Variants in BCL7A observed in about 807,000 individuals in gnomAD.
BCL7A encodes B-cell CLL/lymphoma 7 protein family member A.
Under a neutral mutation model 28.4 loss-of-function variants are expected in BCL7A, and 11 were observed. The ratio of observed to expected loss-of-function variants is 0.39; its 90% CI spans 0.24 to 0.64. BCL7A has a LOEUF of 0.64. Ranked by LOEUF, BCL7A falls within the 30% of genes least tolerant of loss-of-function variation. The pLI is 0.50. For missense variants in BCL7A, 222 were observed against 274.8 expected, an observed-to-expected ratio of 0.81 and a Z score of 1.36; for synonymous variants, 123 against 103.3, an observed-to-expected ratio of 1.19 and a Z score of -1.15.
intron 3 of BCL7A, 94 bp from the exon 4 acceptor site, chr12:122,043,792 G>A (rs569373648): frequency 3.9e-5 from 52 of 1,324,812 alleles, no homozygotes; most frequent in Admixed American, 4.8e-5. Flanking sequence ...ATGGGGTTCC[G>A]GGCATTGAGG....
chr12:122,024,139 G>C (rs527535027), intron 1 of BCL7A, among the ~76,000 whole-genome samples: 2 of 152,340 alleles, frequency 1.3e-5, no homozygotes, highest in South Asian at 2.1e-4. Context: ...CAGGCCTGTA[G>C]TTGGAGCTTG....
intron 5 of BCL7A, among the ~76,000 whole-genome samples, chr12:122,057,536 G>A (rs574845451): frequency 2.0e-5 from 3 of 152,318 alleles, no homozygotes; most frequent in Admixed American, 1.3e-4. Flanking sequence ...GGTTGGAGGG[G>A]GGGTGCGGGC....
At chr12:122,036,852 C>T (rs1295697393) in intron 3 of BCL7A, among the ~76,000 whole-genome samples, 1 of 152,112 alleles carries the variant, frequency 6.6e-6, no homozygotes, top group Non-Finnish European at 1.5e-5. Context: ...GGATTACAGG[C>T]ACGTGCTACC....
intron 1 of BCL7A, among the ~76,000 whole-genome samples, chr12:122,027,929 G>T (rs541412882): frequency 6.6e-6 from 1 of 152,208 alleles, no homozygotes; most frequent in Admixed American, 6.5e-5. Flanking sequence ...TTTGGGGAGG[G>T]GTATGTGTTC....
chr12:122,031,260 C>G (rs1883737792), intron 2 of BCL7A, among the ~76,000 whole-genome samples: 1 of 152,128 alleles, frequency 6.6e-6, no homozygotes, highest in Non-Finnish European at 1.5e-5. Flanking sequence ...AACTCCTGAC[C>G]TCGGGTGATC....
At chr12:122,022,639 C>T (rs1883492008) in intron 1 of BCL7A, among the ~76,000 whole-genome samples, 1 of 145,954 alleles carries the variant, frequency 6.9e-6, no homozygotes, top group African/African-American at 2.5e-5. Flanking sequence ...AGCGGGCCGC[C>T]GCCGCCGTCT....
chr12:122,027,568 T>A (rs1254592460), intron 1 of BCL7A, among the ~76,000 whole-genome samples: 1 of 151,182 alleles, frequency 6.6e-6, no homozygotes, highest in African/African-American at 2.4e-5. Context: ...CTGGGCACAG[T>A]GGCTTATACC....
rs1884012809 is a variant in BCL7A, at chr12:122,043,934, A to G, written c.320A>G (p.Gln107Arg). ...SSIADASPIKQENSSNSSPAP... is the reference protein window; with the variant it reads ...SSIADASPIKRENSSNSSPAP... ...ATCGCAGATGCCTCCCCCATCAAACAGGAGAACAGCAGCAACTCCAGCCCC... is the reference window on the plus strand; with the variant it reads ...ATCGCAGATGCCTCCCCCATCAAACGGGAGAACAGCAGCAACTCCAGCCCC... Residue 107 changes from glutamine (Q) to arginine (R), a missense_variant, in exon 4 of 6, where the codon CAG (glutamine) becomes CGG (arginine). Transcript: ENST00000261822. 5.0e-6 allele frequency: 8 copies of G among 1,613,776 alleles called. No homozygotes were observed. Among genetic ancestry groups the G allele is most frequent in the Non-Finnish European group, 5.9e-6 (7 of 1,179,994 alleles).
intron 4 of BCL7A, among the ~76,000 whole-genome samples, chr12:122,049,703 C>G (rs1276677384): frequency 6.6e-6 from 1 of 152,158 alleles, no homozygotes; most frequent in African/African-American, 2.4e-5. Context: ...TGAACAGTCC[C>G]TTAGTGATGG....
rs892981696 is a variant in BCL7A, at chr12:122,029,919, C to T, written c.93-781C>T. On this transcript the variant is annotated intron_variant, in intron 1 of 5. Coordinates refer to ENST00000261822, the MANE Select transcript of BCL7A (RefSeq NM_001024808.3). This position sits in a 1 kb window ranked among gnomAD's most constrained non-coding sequence, Gnocchi z 4.3. ...GAGGAGAGGGTGGGCATTGTTATCTCGAATGAAAACCAGTCCTGTTTGCTT... is the reference window on the plus strand; with the variant it reads ...GAGGAGAGGGTGGGCATTGTTATCTTGAATGAAAACCAGTCCTGTTTGCTT... Among the ~76,000 whole-genome samples, 11 of 152,064 alleles carry T rather than the reference C, an allele frequency of 7.2e-5. No individual in the cohort carries two copies. The East Asian group carries it at 1.3e-3, about 19-fold the overall frequency.
chr12:122,046,174 G>A (rs1884073195), intron 4 of BCL7A, among the ~76,000 whole-genome samples: 1 of 152,042 alleles, frequency 6.6e-6, no homozygotes, highest in East Asian at 1.9e-4. Context: ...ATATTTTGAA[G>A]GTGAGGGGAG....
In BCL7A at chr12:122,043,998, C is replaced by T. The variant is rs76573037; in HGVS notation, c.384C>T (p.Thr128=). The part of the protein sequence containing the change: ...EPNSAVPSDG[T]EAKVDEAQAD... ...ACTCGGCTGTGCCCAGCGACGGCACCGAGGCCAAGGTGGATGAGGCCCAGG... is the reference window on the plus strand; with the variant it reads ...ACTCGGCTGTGCCCAGCGACGGCACTGAGGCCAAGGTGGATGAGGCCCAGG... The change falls in exon 4 of 6, where the codon ACC becomes ACT. Residue 128 remains threonine, a synonymous_variant. Transcript: ENST00000261822. 1.2e-3 allele frequency: 1,926 copies of T among 1,613,924 alleles called. 34 individuals carry two copies. In the East Asian group the frequency reaches 0.033, roughly 28 times the overall value.
In BCL7A at chr12:122,059,017, C is replaced by T; in HGVS notation, c.562-75C>T. ...CCCGCTCGGTTCCTTCCTTGGCTGA[C>T]CTTCGGCCTCACGCCTGGCCTAACT... On this transcript the variant is annotated intron_variant, in intron 5 of 5. Coordinates refer to ENST00000261822, the MANE Select transcript of BCL7A (RefSeq NM_001024808.3). The surrounding 1 kb of genome is among the most constrained non-coding windows in gnomAD (Gnocchi z 4.0). 7.5e-7 allele frequency: 1 copy of T among 1,340,684 alleles called. No homozygotes were observed. Among genetic ancestry groups the T allele is most frequent in the Non-Finnish European group, 1.1e-6 (1 of 934,854 alleles). The allele number at this position is 1,340,684 out of a possible 1,614,324, so 83.0% of individuals were successfully genotyped here. A position where few individuals can be genotyped will look rare whatever the true frequency, so the allele number is the denominator to read the frequency against.
chr12:122,024,603 T>C (rs1883574375), intron 1 of BCL7A, among the ~76,000 whole-genome samples: 1 of 152,104 alleles, frequency 6.6e-6, no homozygotes, highest in Admixed American at 6.6e-5. Flanking sequence ...TGTGGGTTGT[T>C]TATTAATTGT....
intron 2 of BCL7A, among the ~76,000 whole-genome samples, chr12:122,034,403 GT>G (rs1883807812): frequency 1.5e-5 from 2 of 131,188 alleles, no homozygotes; most frequent in Non-Finnish European, 3.2e-5. Flanking sequence ...AGCCAAGGTT[GT>G]TTCTAACATG....
chr12:122,036,929 G>A (rs1593027234), intron 3 of BCL7A, among the ~76,000 whole-genome samples: 2 of 152,014 alleles, frequency 1.3e-5, no homozygotes, highest in South Asian at 2.1e-4. Context: ...GGCTGGTCTC[G>A]AACTCCTGGT....
chr12:122,044,328 G>C, intron 4 of BCL7A: 2 of 342,584 alleles, frequency 5.8e-6, no homozygotes, highest in Non-Finnish European at 1.1e-5. Context: ...GGGCAACATA[G>C]CAAGACCTCA....
intron 1 of BCL7A, among the ~76,000 whole-genome samples, chr12:122,024,326 A>G (rs2135836065): frequency 6.6e-6 from 1 of 152,278 alleles, no homozygotes; most frequent in East Asian, 1.9e-4. Flanking sequence ...CTTGGCTTCC[A>G]GGTCCCCTCG....
chr12:122,032,229 A>T (rs765444444), intron 2 of BCL7A, among the ~76,000 whole-genome samples: 1 of 152,104 alleles, frequency 6.6e-6, no homozygotes, highest in Non-Finnish European at 1.5e-5. Flanking sequence ...CTCACCCCTG[A>T]ACTTGGGCCT....
Sources: gnomAD v4.1 joint callset for allele counts (sites outside exome capture counted in the v4.1 genomes callset) on GRCh38, gnomAD v4.1.1 for gene constraint, Gnocchi (gnomAD v3.1) non-coding constraint, MANE v1.5 for transcripts, NCBI Gene and HGNC (gene_info 2026-07-23, HGNC 2026-07-21) for gene names.